The following CDK19 variants were observed in gnomAD, a reference collection of about 807,000 sequenced individuals.
CDK19 encodes cyclin-dependent kinase 19.
In CDK19, 20 loss-of-function variants were observed where a neutral mutation model predicts 68.3. The observed-to-expected ratio is 0.29, with a 90% CI of 0.21 to 0.43. The LOEUF (loss-of-function observed/expected upper bound fraction) is 0.43. Among genes scored for constraint, CDK19 ranks in the 20% least tolerant of loss-of-function variants. The pLI, the probability that CDK19 is intolerant of heterozygous loss-of-function variation, is 1.00. For missense variants in CDK19, 339 were observed against 623.5 expected, an observed-to-expected ratio of 0.54 and a Z score of 4.86; for synonymous variants, 221 against 222.8, an observed-to-expected ratio of 0.99 and a Z score of 0.07.
intron 1 of CDK19, among the ~76,000 whole-genome samples, chr6:110,801,208 A>G (rs1293144664): frequency 1.3e-5 from 2 of 152,130 alleles, no homozygotes; most frequent in African/African-American, 4.8e-5. Context: ...GGCTGGGGGA[A>G]GGAGCTGGCT....
At chr6:110,751,456 A>G (rs998459418) in intron 1 of CDK19, among the ~76,000 whole-genome samples, 3 of 152,170 alleles carry the variant, frequency 2.0e-5, no homozygotes, top group African/African-American at 7.2e-5. Flanking sequence ...TCACCCCCAG[A>G]TGGGACCATC....
intron 1 of CDK19, among the ~76,000 whole-genome samples, chr6:110,757,549 T>C (rs1778918455): frequency 6.6e-6 from 1 of 152,230 alleles, no homozygotes; most frequent in Admixed American, 6.5e-5. Context: ...AATATTATTA[T>C]GATATGGTTA....
chr6:110,805,255 T>C (rs1222409878), intron 1 of CDK19, among the ~76,000 whole-genome samples: 1 of 152,158 alleles, frequency 6.6e-6, no homozygotes, highest in African/African-American at 2.4e-5. Flanking sequence ...TTTAAAGAAA[T>C]TGTCATGCTA....
At chr6:110,765,738 C>T (rs1478778320) in intron 1 of CDK19, among the ~76,000 whole-genome samples, 1 of 148,688 alleles carries the variant, frequency 6.7e-6, no homozygotes. Context: ...ATAAATATAA[C>T]ATGGGGAGAA....
chr6:110,703,974 C>A (rs960734372), intron 2 of CDK19, among the ~76,000 whole-genome samples: 12 of 152,202 alleles, frequency 7.9e-5, no homozygotes, highest in African/African-American at 2.9e-4. Context: ...GAAGAGGTCA[C>A]CAAAATAATA....
intron 2 of CDK19, among the ~76,000 whole-genome samples, chr6:110,724,312 G>A (rs1776167645): frequency 1.3e-5 from 2 of 152,032 alleles, no homozygotes; most frequent in South Asian, 4.1e-4. Flanking sequence ...CTGAGATCAC[G>A]CCATTGCACT....
intron 2 of CDK19, among the ~76,000 whole-genome samples, chr6:110,739,781 C>T (rs375242300): frequency 5.3e-5 from 8 of 150,466 alleles, no homozygotes; most frequent in East Asian, 3.9e-4. Flanking sequence ...CAGGTGAGTG[C>T]CACTATGCCC....
intron 2 of CDK19, among the ~76,000 whole-genome samples, chr6:110,742,344 C>A (rs947520970): frequency 1.3e-5 from 2 of 152,156 alleles, no homozygotes; most frequent in African/African-American, 4.8e-5. Context: ...ATCCCGTTAT[C>A]TTCGTAAGCC....
intron 1 of CDK19, among the ~76,000 whole-genome samples, chr6:110,759,428 A>ATATATATATATATATATATAT (rs1554219514): frequency 5.9e-5 from 3 of 50,904 alleles, no homozygotes; most frequent in African/African-American, 2.6e-4. Context: ...AAAAAAAAAA[A>ATATATATATATATATATATAT]ATATATATAT....
At chr6:110,749,709 T>C (rs962031255) in intron 1 of CDK19, among the ~76,000 whole-genome samples, 2 of 151,964 alleles carry the variant, frequency 1.3e-5, no homozygotes, top group African/African-American at 2.4e-5. Context: ...GTAGAAAATA[T>C]AAAAAGCACA....
At chr6:110,754,704 TCTC>T (rs1408320138) in intron 1 of CDK19, among the ~76,000 whole-genome samples, 1 of 152,044 alleles carries the variant, frequency 6.6e-6, no homozygotes, top group Non-Finnish European at 1.5e-5. Flanking sequence ...ATGCTCTCGA[TCTC>T]CTGACCTCGT....
chr6:110,719,977 C>CTA (rs1775726210), intron 2 of CDK19, among the ~76,000 whole-genome samples: 1 of 93,700 alleles, frequency 1.1e-5, no homozygotes, highest in Non-Finnish European at 2.2e-5. Context: ...GATCCGCCCC[C>CTA]CCCCCCCCAC....
At chr6:110,779,986 G>A (rs139203783) in intron 1 of CDK19, among the ~76,000 whole-genome samples, 2,104 of 152,174 alleles carry the variant, frequency 0.014, 52 homozygotes, top group African/African-American at 0.048. Context: ...TCAGGAGGCC[G>A]AGGCAGGCAG....
chr6:110,774,728 T>C (rs1780273646), intron 1 of CDK19, among the ~76,000 whole-genome samples: 1 of 152,188 alleles, frequency 6.6e-6, no homozygotes. Flanking sequence ...GGCCGGTGGA[T>C]TGCTTGTGCT....
At chr6:110,615,364 C>CA (rs558765688) in intron 12 of CDK19, among the ~76,000 whole-genome samples, 38 of 151,294 alleles carry the variant, frequency 2.5e-4, no homozygotes, top group Middle Eastern at 6.8e-3. Flanking sequence ...AACGCAAATA[C>CA]AAAAAAAATG....
intron 4 of CDK19, among the ~76,000 whole-genome samples, chr6:110,651,149 G>A (rs1282247919): frequency 2.0e-5 from 3 of 152,074 alleles, no homozygotes; most frequent in East Asian, 1.9e-4. Flanking sequence ...GAGAGACTTC[G>A]GGTTTTACAT....
intron 4 of CDK19, chr6:110,645,760 C>T (rs1293798190): frequency 9.0e-6 from 5 of 555,588 alleles, no homozygotes; most frequent in Non-Finnish European, 1.7e-5. Flanking sequence ...AATGCATGGA[C>T]AATGAGCGGC....
At chr6:110,715,325 A>T (rs974494700) in intron 2 of CDK19, among the ~76,000 whole-genome samples, 3 of 152,222 alleles carry the variant, frequency 2.0e-5, no homozygotes, top group African/African-American at 4.8e-5. Context: ...AGGGTCAAAA[A>T]TAACTTGGTC....
chr6:110,618,888 T>C (rs1359282279), intron 12 of CDK19, among the ~76,000 whole-genome samples: 1 of 152,196 alleles, frequency 6.6e-6, no homozygotes, highest in Non-Finnish European at 1.5e-5. Context: ...AATCTGCCTT[T>C]CTTTACCCAG....
Sources: allele counts gnomAD v4.1 joint callset (sites outside exome capture counted in the v4.1 genomes callset), GRCh38; gene constraint gnomAD v4.1.1; transcripts MANE v1.5; gene names NCBI Gene and HGNC (gene_info 2026-07-23, HGNC 2026-07-21).